Variants in ZNF827 observed in about 807,000 individuals in gnomAD.
ZNF827 encodes the protein zinc finger protein 827.
A neutral mutation model predicts 102.4 loss-of-function variants in ZNF827; 13 were observed. That is an observed-to-expected ratio of 0.13 (90% CI 0.08 to 0.20). The LOEUF (loss-of-function observed/expected upper bound fraction) is 0.20, where lower values mean the gene tolerates loss of function less well. Among genes scored for constraint, ZNF827 ranks in the 10% least tolerant of loss-of-function variants. ZNF827 has a pLI of 1.00. For synonymous variants in ZNF827, 523 were observed against 536.2 expected (o/e 0.98, Z 0.34); for missense variants, 1,103 against 1,344.4 (o/e 0.82, Z 2.81).
intron 3 of ZNF827, among the ~76,000 whole-genome samples, chr4:145,890,041 A>T (rs1396813103): frequency 6.6e-6 from 1 of 152,150 alleles, no homozygotes; most frequent in African/African-American, 2.4e-5. Context: ...GATGTAGCAG[A>T]GGATATCTAC....
intron 5 of ZNF827, among the ~76,000 whole-genome samples, chr4:145,869,401 A>C (rs1403797146): frequency 6.6e-6 from 1 of 152,244 alleles, no homozygotes; most frequent in Non-Finnish European, 1.5e-5. Context: ...TTTCAAACTA[A>C]AAACAGCTTT....
intron 5 of ZNF827, among the ~76,000 whole-genome samples, chr4:145,868,974 A>G (rs1748446880): frequency 6.6e-6 from 1 of 152,222 alleles, no homozygotes; most frequent in Non-Finnish European, 1.5e-5. Flanking sequence ...TATACAAAAA[A>G]TGTGTTCACT....
intron 8 of ZNF827, among the ~76,000 whole-genome samples, chr4:145,794,058 C>G (rs1186744981): frequency 6.6e-6 from 1 of 152,178 alleles, no homozygotes; most frequent in Non-Finnish European, 1.5e-5. Flanking sequence ...CAGAACTAAT[C>G]GGTCTTCAAC....
chr4:145,790,643 T>TGTC (rs1739549611), intron 8 of ZNF827, among the ~76,000 whole-genome samples: 1 of 152,212 alleles, frequency 6.6e-6, no homozygotes, highest in Admixed American at 6.5e-5. Context: ...TATCCTCAAT[T>TGTC]ATTCTAGTCT....
At chr4:145,817,841 G>T (rs1206759660) in intron 8 of ZNF827, among the ~76,000 whole-genome samples, 1 of 152,142 alleles carries the variant, frequency 6.6e-6, no homozygotes, top group Non-Finnish European at 1.5e-5. Context: ...CTGCTGACCA[G>T]ATCATCACTA....
chr4:145,810,344 G>C (rs569859771), intron 8 of ZNF827, among the ~76,000 whole-genome samples: 10 of 151,736 alleles, frequency 6.6e-5, no homozygotes, highest in African/African-American at 2.4e-4. Flanking sequence ...ATTCATTATG[G>C]CTCCAAATTA....
chr4:145,765,597 A>G lies in ZNF827; in HGVS notation c.3002T>C (p.Val1001Ala), dbSNP rs569928074. 6.2e-7 allele frequency: 1 copy of G among 1,614,010 alleles called. No individual in the cohort carries two copies. The highest frequency in any genetic ancestry group is 1.1e-5 in the South Asian group (1 of 91,070). The change falls in exon 12 of 15, where the codon GTC (valine) becomes GCC (alanine). Residue 1001 changes from valine (V) to alanine (A), a missense_variant. Around this residue, in one of 5 missense-constraint regions of ZNF827, gnomAD observed 242 missense variants for 361.9 expected, o/e 0.67. Coordinates refer to ENST00000508784, the MANE Select transcript of ZNF827 (RefSeq NM_001306215.2). The surrounding 1 kb of genome is among the most constrained non-coding windows in gnomAD (Gnocchi z 4.7). ...CAGTGAGGGCTGGCTCCCAGGCATG[A>G]CAGAGATGACCAGCAGATTGTTCCC... The part of the protein sequence containing the change: ...KGGNNLLVIS[V>A]MPGSQPSLNS...
At chr4:145,788,276 AGTAGAAAACTGGAC>A (rs1739179513) in intron 8 of ZNF827, among the ~76,000 whole-genome samples, 1 of 152,204 alleles carries the variant, frequency 6.6e-6, no homozygotes, top group Non-Finnish European at 1.5e-5. Context: ...TTAAATCAAT[AGTAGAAAACTGGAC>A]CTTGATTCCT....
Position 145,913,534 on chromosome 4 carries a change from C to T in ZNF827, c.44-10319G>A, listed in dbSNP as rs796823064. Among the ~76,000 whole-genome samples, 16 of 151,858 alleles carry T rather than the reference C, an allele frequency of 1.1e-4. 1 individual carries two copies. The highest frequency in any genetic ancestry group is 3.4e-4 in the African/African-American group (14 of 41,398). On this transcript the variant is annotated intron_variant, in intron 1 of 14. Coordinates refer to ENST00000508784, the MANE Select transcript of ZNF827 (RefSeq NM_001306215.2). ...ATACTCATCCTTACATCCTTACTCA[C>T]GTTTCAGCAAATTAATAACAAAATT...
At chr4:145,791,370 C>G (rs917284951) in intron 8 of ZNF827, among the ~76,000 whole-genome samples, 1 of 152,182 alleles carries the variant, frequency 6.6e-6, no homozygotes, top group Non-Finnish European at 1.5e-5. Context: ...GCTCCATCTT[C>G]TACATAGCAT....
chr4:145,855,009 CTA>C (rs1269515115), intron 5 of ZNF827, among the ~76,000 whole-genome samples: 1 of 152,230 alleles, frequency 6.6e-6, no homozygotes, highest in Non-Finnish European at 1.5e-5. Flanking sequence ...AAGCTTAATG[CTA>C]TGTTTGCCCC....
chr4:145,878,205 C>T (rs1443816376), intron 4 of ZNF827, among the ~76,000 whole-genome samples: 2 of 152,174 alleles, frequency 1.3e-5, no homozygotes, highest in African/African-American at 4.8e-5. Context: ...CTACGATTCC[C>T]CCCTCCAAAG....
intron 7 of ZNF827, among the ~76,000 whole-genome samples, chr4:145,838,111 T>C (rs976048219): frequency 4.5e-4 from 68 of 152,216 alleles, no homozygotes; most frequent in Middle Eastern, 3.2e-3. Flanking sequence ...TGCACGTATA[T>C]GCCCAGATGG....
intron 2 of ZNF827, among the ~76,000 whole-genome samples, chr4:145,893,046 AC>A (rs1750727515): frequency 6.6e-6 from 1 of 151,980 alleles, no homozygotes; most frequent in African/African-American, 2.4e-5. Context: ...AGGGTTTTTG[AC>A]CCTTTTATTT....
intron 5 of ZNF827, among the ~76,000 whole-genome samples, chr4:145,869,468 A>G (rs1029211197): frequency 6.6e-6 from 1 of 152,244 alleles, no homozygotes; most frequent in Admixed American, 6.5e-5. Context: ...AGAGGTAATG[A>G]ACTAAGGATG....
intron 6 of ZNF827, among the ~76,000 whole-genome samples, chr4:145,848,755 A>G (rs541232348): frequency 1.4e-4 from 21 of 152,328 alleles, no homozygotes; most frequent in African/African-American, 4.8e-4. Flanking sequence ...GCTGGTAATT[A>G]CTGCACTTTT....
intron 8 of ZNF827, among the ~76,000 whole-genome samples, chr4:145,796,615 T>C (rs1740404193): frequency 7.0e-6 from 1 of 141,952 alleles, no homozygotes; most frequent in Non-Finnish European, 1.5e-5. Flanking sequence ...ATTATATCAT[T>C]TGTTCCTCTT....
At chr4:145,834,559 C>T (rs1744616345) in intron 7 of ZNF827, among the ~76,000 whole-genome samples, 1 of 152,106 alleles carries the variant, frequency 6.6e-6, no homozygotes, top group Admixed American at 6.5e-5. Context: ...CCCCATCCTG[C>T]CCAGCAATTT....
chr4:145,893,071 A>G (rs928010370), intron 2 of ZNF827, among the ~76,000 whole-genome samples: 8 of 152,190 alleles, frequency 5.3e-5, no homozygotes, highest in Admixed American at 5.2e-4. Flanking sequence ...TCCCTTTGGT[A>G]GCCACTAACA....
Sources: allele counts gnomAD v4.1 joint callset (sites outside exome capture counted in the v4.1 genomes callset), GRCh38; gene constraint gnomAD v4.1.1; regional missense constraint gnomAD v4.1.1; non-coding constraint Gnocchi (gnomAD v3.1); transcripts MANE v1.5; gene names NCBI Gene and HGNC (gene_info 2026-07-23, HGNC 2026-07-21).